Variants in CCND2 observed in about 807,000 individuals in gnomAD.
CCND2 encodes cyclin D2, also known as G1/S-specific cyclin-D2.
In CCND2, 6 loss-of-function variants were observed where a neutral mutation model predicts 30.2. The observed-to-expected ratio is 0.20, with a 90% CI of 0.11 to 0.39. The LOEUF (loss-of-function observed/expected upper bound fraction) is 0.39. Ranked by LOEUF, CCND2 falls within the 10% of genes least tolerant of loss-of-function variation. The pLI, the probability that CCND2 is intolerant of heterozygous loss-of-function variation, is 1.00. For synonymous variants in CCND2, 150 were observed against 153.1 expected, an observed-to-expected ratio of 0.98 and a Z score of 0.15; for missense variants, 235 against 373.4, an observed-to-expected ratio of 0.63 and a Z score of 3.06.
At chr12:4,286,884 C>A (rs1328957509) in intron 3 of CCND2, among the ~76,000 whole-genome samples, 1 of 152,232 alleles carries the variant, frequency 6.6e-6, no homozygotes, top group East Asian at 1.9e-4. Context: ...GGGATACTTG[C>A]CTGCCTCTTC....
chr12:4,278,978 G>A lies in CCND2; in HGVS notation c.571+59G>A, dbSNP rs1276870649. 6 of 1,544,484 alleles carry A rather than the reference G, an allele frequency of 3.9e-6. No individual in the cohort carries two copies. In the African/African-American group the frequency reaches 8.1e-5, roughly 21 times the overall value. ...GGGAGCTCTTTTGGGAGATGTCCGG[G>A]GAGAGGCAAAAGGCCGTAGGAACTT... is the stretch of plus-strand genomic sequence containing the variant. On this transcript the variant is annotated intron_variant, in intron 3 of 4. Coordinates refer to ENST00000261254, the MANE Select transcript of CCND2 (RefSeq NM_001759.4).
chr12:4,279,353 G>A (rs1014798696), intron 3 of CCND2, among the ~76,000 whole-genome samples: 5 of 151,874 alleles, frequency 3.3e-5, no homozygotes, highest in African/African-American at 1.2e-4. Context: ...AGATAAATAT[G>A]CTGCCTGCCT....
rs1458087560 is a variant in CCND2 at position 4,302,452 on chromosome 12, T to A, written c.*2443T>A. ...TGCAAAGGGCCCTTTCATCTTGAAGTTTTTCCCCTCCGTCTTTCCCCTCCC... is the reference window on the plus strand; with the variant it reads ...TGCAAAGGGCCCTTTCATCTTGAAGATTTTCCCCTCCGTCTTTCCCCTCCC... On this transcript the variant is annotated 3_prime_UTR_variant, in exon 5 of 5. Coordinates refer to ENST00000261254, the MANE Select transcript of CCND2 (RefSeq NM_001759.4). The A allele has an allele frequency of 1.3e-5, 3 of 232,786 alleles. No homozygotes were observed. The highest frequency in any genetic ancestry group is 2.5e-5 in the Non-Finnish European group (3 of 117,904). 14.4% of individuals were successfully genotyped at this position (232,786 alleles called of 1,614,324 possible).
intron 1 of CCND2, 121 bp from the exon 2 acceptor site, chr12:4,275,883 CT>C (rs1240668898): frequency 8.1e-6 from 5 of 618,938 alleles, no homozygotes; most frequent in African/African-American, 7.4e-5. Flanking sequence ...TCCCCTCCCC[CT>C]CCCACAAAAA....
intron 4 of CCND2, among the ~76,000 whole-genome samples, chr12:4,297,484 T>C (rs190816220): frequency 5.0e-4 from 74 of 146,894 alleles, no homozygotes; most frequent in African/African-American, 1.7e-3. Context: ...GGAAGGAGAA[T>C]TGCTTGAACC....
Position 4,284,402 on chromosome 12 carries a change from T to A in CCND2, c.572-4440T>A, listed in dbSNP as rs368833486. 3.2e-4 allele frequency among the ~76,000 whole-genome samples: 49 copies of A among 152,364 alleles called. 1 individual carries two copies. In the East Asian group the frequency reaches 5.4e-3, roughly 17 times the overall value. ...CCTTCTGATTCCAGAGCTAATACTC[T>A]GAACCAGTGAGCTGTGTTCTCCAGA... On this transcript the variant is annotated intron_variant, in intron 3 of 4. Transcript: ENST00000261254.
At chr12:4,279,379 G>A (rs1863916820) in intron 3 of CCND2, among the ~76,000 whole-genome samples, 1 of 151,600 alleles carries the variant, frequency 6.6e-6, no homozygotes, top group African/African-American at 2.4e-5. Context: ...AGTGGTAAGG[G>A]AGACCAAAGA....
chr12:4,278,724 T>G, intron 2 of CCND2, 36 bp from the exon 3 acceptor site: 1 of 1,608,116 alleles, frequency 6.2e-7, no homozygotes, highest in Non-Finnish European at 8.5e-7. Context: ...CTGTGGAATT[T>G]AGATTCTCCT....
At position 4,303,264 on chromosome 12, in the gene CCND2, C is replaced by T. The variant is rs975576967; in HGVS notation, c.*3255C>T. On this transcript the variant is annotated 3_prime_UTR_variant, in exon 5 of 5. Coordinates refer to ENST00000261254, the MANE Select transcript of CCND2 (RefSeq NM_001759.4). The surrounding 1 kb of genome is among the most constrained non-coding windows in gnomAD (Gnocchi z 4.6). ...GGTGTGGGGCTGCCGATGGGAAAGT[C>T]GGGGGTTGTTAGGCTTTTCTGCCTG... is the stretch of plus-strand genomic sequence containing the variant. 9 of 233,266 alleles carry T rather than the reference C, an allele frequency of 3.9e-5. No individual in the cohort carries two copies. Among genetic ancestry groups the T allele is most frequent in the Admixed American group, 5.6e-5 (1 of 17,780 alleles). The allele number at this position is 233,266 out of a possible 1,614,324, so 14.4% of individuals were successfully genotyped here. A position where few individuals can be genotyped will look rare whatever the true frequency, so the allele number is the denominator to read the frequency against.
In CCND2 at chr12:4,304,712, C is replaced by T. The variant is rs1042489723; in HGVS notation, c.*4703C>T. On this transcript the variant is annotated 3_prime_UTR_variant, in exon 5 of 5. Coordinates refer to ENST00000261254, the MANE Select transcript of CCND2 (RefSeq NM_001759.4). The surrounding 1 kb of genome is among the most constrained non-coding windows in gnomAD (Gnocchi z 6.2). ...GTAGCTGCAGCCTGCATCCCTTCGC[C>T]TGCAGCCTACTTTGGGGAAATAAAG... 5 of 233,630 alleles carry T rather than the reference C, an allele frequency of 2.1e-5. No individual in the cohort carries two copies. The highest frequency in any genetic ancestry group is 1.1e-4 in the African/African-American group (5 of 45,344). 14.5% of individuals were successfully genotyped at this position (233,630 alleles called of 1,614,324 possible). A position where few individuals can be genotyped will look rare whatever the true frequency, so the allele number is the denominator to read the frequency against.
intron 3 of CCND2, among the ~76,000 whole-genome samples, chr12:4,288,520 G>C (rs932757413): frequency 6.6e-6 from 1 of 152,122 alleles, no homozygotes. Context: ...CCAGGGTCAA[G>C]AATGTTAACT....
intron 4 of CCND2, among the ~76,000 whole-genome samples, chr12:4,296,057 AGGCT>A (rs1864164296): frequency 6.6e-6 from 1 of 152,216 alleles, no homozygotes; most frequent in Non-Finnish European, 1.5e-5. Flanking sequence ...TTAAGGTCTC[AGGCT>A]GCTGGAAGGG....
rs1056040224 is a variant in CCND2 at position 4,287,620 on chromosome 12, C to T, written c.572-1222C>T. Among the ~76,000 whole-genome samples, 1 of 152,180 alleles carries T rather than the reference C, an allele frequency of 6.6e-6. No individual in the cohort carries two copies. Among genetic ancestry groups the T allele is most frequent in the Non-Finnish European group, 1.5e-5 (1 of 68,032 alleles). ...ATACCCACCCTAATATCTGTCAACA[C>T]GAGCAGGGGCAACTTAAACTCTCAA... On this transcript the variant is annotated intron_variant, in intron 3 of 4. Transcript: ENST00000261254. The surrounding 1 kb of genome is among the most constrained non-coding windows in gnomAD (Gnocchi z 4.0).
chr12:4,279,598 C>T (rs57236600), intron 3 of CCND2, among the ~76,000 whole-genome samples: 1 of 144,218 alleles, frequency 6.9e-6, no homozygotes, highest in African/African-American at 2.5e-5. Flanking sequence ...CCGCCTACCA[C>T]GTGGATCCCA....
Position 4,283,642 on chromosome 12 carries a change from C to T in CCND2, c.571+4723C>T, listed in dbSNP as rs372341107. 5.3e-4 allele frequency among the ~76,000 whole-genome samples: 81 copies of T among 152,340 alleles called. 1 individual carries two copies. The South Asian group carries it at 0.016, about 30-fold the overall frequency. On this transcript the variant is annotated intron_variant, in intron 3 of 4. Coordinates refer to ENST00000261254, the MANE Select transcript of CCND2 (RefSeq NM_001759.4). ...ACCGCCGTCATAAGCAAGCATGCAG[C>T]CCACAGCAGAGCTGCCCCTGGCGCC... is the stretch of plus-strand genomic sequence containing the variant.
In CCND2 at chr12:4,276,619, G is replaced by T. The variant is rs548248020; in HGVS notation, c.411+399G>T. Reference sequence around the variant, plus strand: ...GTGTTCACATGATAGGTATGTGGCTGTGGTGTCTCCTAAAAACTTGGAGTT... The same window carrying T: ...GTGTTCACATGATAGGTATGTGGCTTTGGTGTCTCCTAAAAACTTGGAGTT... On this transcript the variant is annotated intron_variant, in intron 2 of 4. Transcript: ENST00000261254. The surrounding 1 kb of genome is among the most constrained non-coding windows in gnomAD (Gnocchi z 4.8). 6.6e-6 allele frequency among the ~76,000 whole-genome samples: 1 copy of T among 152,320 alleles called. No individual in the cohort carries two copies. The highest frequency in any genetic ancestry group is 6.5e-5 in the Admixed American group (1 of 15,308).
At position 4,303,452 on chromosome 12, in the gene CCND2, G is replaced by C. The variant is rs749624387; in HGVS notation, c.*3443G>C. 2.1e-5 allele frequency: 5 copies of C among 233,344 alleles called. No individual in the cohort carries two copies. Among genetic ancestry groups the C allele is most frequent in the Non-Finnish European group, 4.2e-5 (5 of 118,048 alleles). 14.5% of individuals were successfully genotyped at this position (233,344 alleles called of 1,614,324 possible). A position where few individuals can be genotyped will look rare whatever the true frequency, so the allele number is the denominator to read the frequency against. ...TTCTTTTTCTTACCTCCCACTAAAGGGGTTCCAAATTATCCTGGTCTTTTT... is the reference window on the plus strand; with the variant it reads ...TTCTTTTTCTTACCTCCCACTAAAGCGGTTCCAAATTATCCTGGTCTTTTT... On this transcript the variant is annotated 3_prime_UTR_variant, in exon 5 of 5. Coordinates refer to ENST00000261254, the MANE Select transcript of CCND2 (RefSeq NM_001759.4). This position sits in a 1 kb window ranked among gnomAD's most constrained non-coding sequence, Gnocchi z 4.6.
Position 4,274,245 on chromosome 12 carries a change from G to T in CCND2, c.195+10G>T. The T allele has an allele frequency of 6.2e-7, 1 of 1,613,158 alleles. No homozygotes were observed. Among genetic ancestry groups the T allele is most frequent in the South Asian group, 1.1e-5 (1 of 91,066 alleles). On this transcript the variant is annotated intron_variant, in intron 1 of 4. Coordinates refer to ENST00000261254, the MANE Select transcript of CCND2 (RefSeq NM_001759.4). This position sits in a 1 kb window ranked among gnomAD's most constrained non-coding sequence, Gnocchi z 7.7. ...CACCTGGATGCTGGAGGTAGGTCGG[G>T]GGGTGGCGCTCGCCAGGAGCCAGGA...
intron 3 of CCND2, among the ~76,000 whole-genome samples, chr12:4,280,748 A>C (rs937816936): frequency 1.3e-5 from 2 of 151,756 alleles, no homozygotes; most frequent in Non-Finnish European, 2.9e-5. Flanking sequence ...CCGACCCTAA[A>C]CTCCCCCACT....
Sources: allele counts gnomAD v4.1 joint callset (sites outside exome capture counted in the v4.1 genomes callset), GRCh38; gene constraint gnomAD v4.1.1; non-coding constraint Gnocchi (gnomAD v3.1); transcripts MANE v1.5; gene names NCBI Gene and HGNC (gene_info 2026-07-23, HGNC 2026-07-21).